The following MYOZ3 variants were observed in gnomAD, a reference collection of about 807,000 sequenced individuals.
The protein encoded by MYOZ3 is myozenin 3.
A neutral mutation model predicts 26.5 loss-of-function variants in MYOZ3; 19 were observed. That is an observed-to-expected ratio of 0.72 (90% CI 0.50 to 1.05). The LOEUF (loss-of-function observed/expected upper bound fraction) is 1.05. Ranked by LOEUF, MYOZ3 falls within the 50% of genes least tolerant of loss-of-function variation. MYOZ3 has a pLI of 0.00. For missense variants in MYOZ3, 322 were observed against 337.1 expected (o/e 0.96, Z 0.35); for synonymous variants, 135 against 138.8 (o/e 0.97, Z 0.19).
Position 150,664,724 on chromosome 5 carries a change from A to G in MYOZ3, c.61+1722A>G, listed in dbSNP as rs1040463619. ...ACATCTGGTAGGTGGTAGAGCTGCA[A>G]TTTGACTCCAGGTCTCTTTGTCTTC... On this transcript the variant is annotated intron_variant, in intron 2 of 6. Coordinates refer to ENST00000517768, the MANE Select transcript of MYOZ3 (RefSeq NM_001122853.3). 5.3e-5 allele frequency among the ~76,000 whole-genome samples: 8 copies of G among 152,298 alleles called. No homozygotes were observed. In the South Asian group the frequency reaches 6.2e-4, roughly 12 times the overall value.
chr5:150,662,533 C>T (rs1361810860), intron 1 of MYOZ3, among the ~76,000 whole-genome samples: 1 of 152,142 alleles, frequency 6.6e-6, no homozygotes, highest in African/African-American at 2.4e-5. Flanking sequence ...CTAACTTAAA[C>T]CTCCAACTTC....
intron 2 of MYOZ3, 29 bp from the exon 3 acceptor site, chr5:150,670,455 T>TGA (rs1380899502): frequency 1.3e-6 from 2 of 1,580,196 alleles, no homozygotes; most frequent in Non-Finnish European, 1.7e-6. Flanking sequence ...GATGGGGTGG[T>TGA]GAGAGCCCGC....
chr5:150,671,446 T>C (rs1758907568), intron 3 of MYOZ3, 151 bp from the exon 4 acceptor site: 1 of 758,832 alleles, frequency 1.3e-6, no homozygotes, highest in Admixed American at 2.6e-5. Flanking sequence ...GCACTGGGTT[T>C]AGCGTTGTAA....
intron 2 of MYOZ3, chr5:150,669,168 G>A (rs1758857272): frequency 6.6e-6 from 1 of 151,924 alleles, no homozygotes; most frequent in Non-Finnish European, 1.5e-5. Flanking sequence ...CAGGCCGGGA[G>A]CGGTGGCTCA....
chr5:150,662,908 C>T (rs762433007), intron 1 of MYOZ3, 33 bp from the exon 2 acceptor site: 2 of 1,595,230 alleles, frequency 1.3e-6, no homozygotes, highest in East Asian at 2.2e-5. Context: ...ATGGAGGCAG[C>T]CTGGTCCATT....
At chr5:150,671,728 CCT>C in intron 4 of MYOZ3, 25 bp from the exon 5 acceptor site, 2 of 1,613,234 alleles carry the variant, frequency 1.2e-6, no homozygotes, top group Non-Finnish European at 1.7e-6. Flanking sequence ...TCGTCGGTGG[CCT>C]CTGAGAACCC....
At chr5:150,671,440 T>C in intron 3 of MYOZ3, 157 bp from the exon 4 acceptor site, 1 of 725,080 alleles carries the variant, frequency 1.4e-6, no homozygotes, top group Non-Finnish European at 2.3e-6. Flanking sequence ...TCCCAGGCAC[T>C]GGGTTTAGCG....
chr5:150,664,202 G>A (rs1174708390), intron 2 of MYOZ3, among the ~76,000 whole-genome samples: 1 of 152,078 alleles, frequency 6.6e-6, no homozygotes. Context: ...GACTTCATAT[G>A]TGGCATCCTT....
chr5:150,660,921 C>A (rs1437150855), upstream of MYOZ3: 5 of 147,556 alleles, frequency 3.4e-5, no homozygotes, highest in African/African-American at 1.3e-4. Context: ...ATAAGTCAAG[C>A]AAAGATATTG....
At chr5:150,669,207 C>T (rs1758858136) in intron 2 of MYOZ3, 1 of 131,556 alleles carries the variant, frequency 7.6e-6, no homozygotes, top group Non-Finnish European at 1.6e-5. Context: ...TCTGGGAGCC[C>T]GAGGGGGGGT....
Position 150,670,642 on chromosome 5 carries a change from A to G in MYOZ3, c.216+4A>G. ...GTTAGCAGCCAGCCAGCGGGCGGTG[A>G]GTAAGCCACCATTGTGCTCATGGGG... On this transcript the variant is annotated splice_donor_region_variant and intron_variant, in intron 3 of 6. Transcript: ENST00000517768. 6.2e-7 allele frequency: 1 copy of G among 1,605,212 alleles called. No individual in the cohort carries two copies. The highest frequency in any genetic ancestry group is 8.5e-7 in the Non-Finnish European group (1 of 1,174,830).
At chr5:150,672,659 T>C (rs1202069171) in intron 6 of MYOZ3, 157 bp downstream of exon 6, 8 of 815,284 alleles carry the variant, frequency 9.8e-6, no homozygotes, top group Non-Finnish European at 1.5e-5. Flanking sequence ...GAACAGCGCC[T>C]CCGCACCTGG....
chr5:150,671,417 G>A, intron 3 of MYOZ3, 180 bp from the exon 4 acceptor site: 1 of 635,372 alleles, frequency 1.6e-6, no homozygotes, highest in Non-Finnish European at 2.8e-6. Flanking sequence ...AACATATATC[G>A]AGTATTTCTC....
In MYOZ3 at chr5:150,672,500, C is replaced by T. The variant is rs1758936082; in HGVS notation, c.585C>T (p.Asn195=). ...TPSPNDYRNF[N]KTPVPFGGPL... ...GCCCCAACGACTACCGAAATTTCAA[C>T]AAGTAAGGCGGGGCGGGCAGCCCGG... is the stretch of plus-strand genomic sequence containing the variant. Residue 195 remains asparagine, a splice_region_variant and synonymous_variant, in exon 6 of 7, where the codon AAC becomes AAT. Coordinates refer to ENST00000517768, the MANE Select transcript of MYOZ3 (RefSeq NM_001122853.3). 6.4e-7 allele frequency: 1 copy of T among 1,564,482 alleles called. No homozygotes were observed. Among genetic ancestry groups the T allele is most frequent in the African/African-American group, 1.4e-5 (1 of 73,162 alleles).
intron 6 of MYOZ3, among the ~76,000 whole-genome samples, chr5:150,675,148 A>G (rs1392017962): frequency 6.6e-6 from 1 of 152,228 alleles, no homozygotes; most frequent in African/African-American, 2.4e-5. Flanking sequence ...TCCCAAAGGT[A>G]ACATGGTTGT....
At chr5:150,675,226 T>TTGTGTGCGCGTGTGTGTGTGTGTGTG (rs765864243) in intron 6 of MYOZ3, among the ~76,000 whole-genome samples, 1 of 151,364 alleles carries the variant, frequency 6.6e-6, no homozygotes, top group African/African-American at 2.4e-5. Flanking sequence ...GGAATGGCGT[T>TTGTGTGCGCGTGTGTGTGTGTGTGTG]TGTGTGTGTG....
chr5:150,671,911 G>A lies in MYOZ3; in HGVS notation c.424+3G>A. The A allele has an allele frequency of 2.6e-6, 4 of 1,531,466 alleles. No individual in the cohort carries two copies. Among genetic ancestry groups the A allele is most frequent in the Non-Finnish European group, 3.5e-6 (4 of 1,146,158 alleles). The allele number at this position is 1,531,466 out of a possible 1,614,324, so 94.9% of individuals were successfully genotyped here. On this transcript the variant is annotated splice_donor_region_variant and intron_variant, in intron 5 of 6. Transcript: ENST00000517768. The stretch of plus-strand genomic sequence containing the variant: ...CAGCCCCAGCGCCCTGGCGCCAGGT[G>A]AGTGGCCTCCTCGGGTCCCGGGACC...
chr5:150,670,741 C>G, intron 3 of MYOZ3, 103 bp downstream of exon 3: 23 of 1,158,516 alleles, frequency 2.0e-5, no homozygotes, highest in Non-Finnish European at 2.5e-5. Flanking sequence ...TGTGATGTTC[C>G]CATCAGATTA....
chr5:150,670,505 A>G lies in MYOZ3; in HGVS notation c.83A>G (p.Lys28Arg), dbSNP rs781341960. Residue 28 changes from lysine (K) to arginine (R), a missense_variant, in exon 3 of 7, where the codon AAG (lysine) becomes AGG (arginine). By Grantham distance (26) the Lys-to-Arg change is conservative. Coordinates refer to ENST00000517768, the MANE Select transcript of MYOZ3 (RefSeq NM_001122853.3). Reference sequence around the variant, plus strand: ...GCAGTCCCTACGCTGGACCTGGGCAAGAAGCTGAGCGTGCCCCAGGACCTG... The same window carrying G: ...GCAGTCCCTACGCTGGACCTGGGCAGGAAGCTGAGCGTGCCCCAGGACCTG... ...TEPVPTLDLG[K>R]KLSVPQDLMM... The G allele has an allele frequency of 6.2e-7, 1 of 1,612,610 alleles. No individual in the cohort carries two copies. Among genetic ancestry groups the G allele is most frequent in the South Asian group, 1.1e-5 (1 of 90,910 alleles).
Sources: allele counts gnomAD v4.1 joint callset (sites outside exome capture counted in the v4.1 genomes callset), GRCh38; gene constraint gnomAD v4.1.1; transcripts MANE v1.5; gene names NCBI Gene and HGNC (gene_info 2026-07-23, HGNC 2026-07-21).